The following TYW1 variants were observed in gnomAD, a reference collection of about 807,000 sequenced individuals.
TYW1 encodes the protein tRNA-yW synthesizing protein 1 homolog.
TYW1 carries 46 observed loss-of-function variants against 96.2 expected under a neutral mutation model. That is an observed-to-expected ratio of 0.48 (90% CI 0.38 to 0.61). The LOEUF (loss-of-function observed/expected upper bound fraction) is 0.61, where lower values mean the gene tolerates loss of function less well. TYW1 is among the 20% of genes least tolerant of loss of function. The probability of loss-of-function intolerance (pLI) is 0.00; values close to 1 mark genes in which losing one functional copy is unlikely to be tolerated. For missense variants in TYW1, 684 were observed against 909.6 expected (o/e 0.75, Z 3.19); for synonymous variants, 274 against 323.0 (o/e 0.85, Z 1.63).
chr7:67,043,476 A>G (rs1412026696), intron 7 of TYW1, among the ~76,000 whole-genome samples: 1 of 152,076 alleles, frequency 6.6e-6, no homozygotes, highest in Non-Finnish European at 1.5e-5. Flanking sequence ...ATAAATGGCA[A>G]ATGCTTGACA....
intron 12 of TYW1, among the ~76,000 whole-genome samples, chr7:67,107,301 G>T (rs960453524): frequency 6.6e-6 from 1 of 152,114 alleles, no homozygotes; most frequent in Non-Finnish European, 1.5e-5. Context: ...AAGTAAATAC[G>T]GCCTGATACT....
chr7:67,061,031 T>A (rs1795678716), intron 9 of TYW1, among the ~76,000 whole-genome samples: 1 of 152,104 alleles, frequency 6.6e-6, no homozygotes. Context: ...AGTTCAAGAC[T>A]AGCCTGGCCA....
In TYW1 at chr7:67,135,582, C is replaced by T. The variant is rs536994296; in HGVS notation, c.1698+17964C>T. On this transcript the variant is annotated intron_variant, in intron 13 of 15. Transcript: ENST00000359626. ...CCTCCCAAAGTGCTGAGATTATAGG[C>T]GTGAGCTACCACGTCCAGCCAACAG... is the stretch of plus-strand genomic sequence containing the variant. Among the ~76,000 whole-genome samples the T allele has an allele frequency of 6.7e-5, 10 of 150,360 alleles. No homozygotes were observed. The South Asian group carries it at 8.4e-4, about 13-fold the overall frequency.
At chr7:67,162,484 T>C (rs1245147545) in intron 13 of TYW1, among the ~76,000 whole-genome samples, 1 of 152,210 alleles carries the variant, frequency 6.6e-6, no homozygotes, top group Non-Finnish European at 1.5e-5. Flanking sequence ...CTAAGGCATA[T>C]TGATTTTAGA....
At position 67,172,430 on chromosome 7, in the gene TYW1, C is replaced by CCTTTTTTTTTTT. The variant is rs777213368; in HGVS notation, c.1699-10696_1699-10695insCTTTTTTTTTTT. On this transcript the variant is annotated intron_variant, in intron 13 of 15. Transcript: ENST00000359626. ...TTGAACCCCACATGACCTTACCATT[C>CCTTTTTTTTTTT]TTTTTTTTGAGATGGAGTCTCACTC... Among the ~76,000 whole-genome samples, 188 of 143,882 alleles carry CCTTTTTTTTTTT rather than the reference C, an allele frequency of 1.3e-3. 7 individuals are homozygous for CCTTTTTTTTTTT. Among genetic ancestry groups the CCTTTTTTTTTTT allele is most frequent in the Middle Eastern group, 3.6e-3 (1 of 278 alleles). The allele number at this position is 143,882 out of a possible 152,430, so 94.4% of individuals were successfully genotyped here. A position where few individuals can be genotyped will look rare whatever the true frequency, so the allele number is the denominator to read the frequency against.
chr7:67,091,136 T>G (rs1796702741), intron 11 of TYW1, among the ~76,000 whole-genome samples: 1 of 152,128 alleles, frequency 6.6e-6, no homozygotes, highest in Non-Finnish European at 1.5e-5. Flanking sequence ...GCAGCACTAT[T>G]CACAATAGCA....
chr7:67,019,319 C>CA (rs1484928269), intron 6 of TYW1, among the ~76,000 whole-genome samples: 1 of 56,128 alleles, frequency 1.8e-5, no homozygotes, highest in East Asian at 3.0e-4. Flanking sequence ...CCTCAGCCTC[C>CA]TGAGTAGCTG....
At chr7:67,136,581 A>G (rs2116087168) in intron 13 of TYW1, among the ~76,000 whole-genome samples, 1 of 151,698 alleles carries the variant, frequency 6.6e-6, no homozygotes, top group Non-Finnish European at 1.5e-5. Context: ...ACTGTGGAGT[A>G]GTGTTTGTAA....
chr7:67,072,211 A>T (rs1354396745), intron 10 of TYW1, among the ~76,000 whole-genome samples: 1 of 146,208 alleles, frequency 6.8e-6, no homozygotes, highest in Non-Finnish European at 1.5e-5. Flanking sequence ...CAAGTTGTTC[A>T]TGTACCTACT....
At chr7:67,008,300 G>A (rs1353522847) in intron 3 of TYW1, among the ~76,000 whole-genome samples, 3 of 152,142 alleles carry the variant, frequency 2.0e-5, no homozygotes, top group East Asian at 3.9e-4. Flanking sequence ...TTTCTTGGAG[G>A]CTCCATTACA....
intron 13 of TYW1, among the ~76,000 whole-genome samples, chr7:67,129,736 TCA>T (rs1421463891): frequency 6.6e-6 from 1 of 152,254 alleles, no homozygotes; most frequent in African/African-American, 2.4e-5. Context: ...AGTATAAGTC[TCA>T]CAGCTTTTTT....
At chr7:67,081,663 C>T (rs1182437034) in intron 10 of TYW1, among the ~76,000 whole-genome samples, 1 of 151,664 alleles carries the variant, frequency 6.6e-6, no homozygotes, top group Non-Finnish European at 1.5e-5. Context: ...TGCTCCTCCT[C>T]CTGCTGTTCC....
At chr7:67,021,305 C>T (rs1433839589) in intron 6 of TYW1, among the ~76,000 whole-genome samples, 5 of 152,406 alleles carry the variant, frequency 3.3e-5, no homozygotes, top group East Asian at 1.9e-4. Flanking sequence ...CTTTGCAGTC[C>T]GGCCCACATC....
At chr7:67,013,247 C>G (rs759283110) in intron 4 of TYW1, among the ~76,000 whole-genome samples, 3 of 151,832 alleles carry the variant, frequency 2.0e-5, no homozygotes, top group African/African-American at 7.3e-5. Context: ...CTCAGCCTCC[C>G]GAGTAGCTGG....
At chr7:67,026,162 T>C (rs1794446543) in intron 7 of TYW1, among the ~76,000 whole-genome samples, 1 of 152,156 alleles carries the variant, frequency 6.6e-6, no homozygotes, top group South Asian at 2.1e-4. Context: ...AACCTCTGCC[T>C]CCTGGTTTCA....
chr7:67,102,292 G>T (rs1021322183), intron 12 of TYW1, among the ~76,000 whole-genome samples: 1 of 152,086 alleles, frequency 6.6e-6, no homozygotes, highest in Non-Finnish European at 1.5e-5. Context: ...ACAAAATGCC[G>T]GCCACATTTG....
At chr7:67,062,960 A>G (rs563780730) in intron 9 of TYW1, among the ~76,000 whole-genome samples, 1 of 152,346 alleles carries the variant, frequency 6.6e-6, no homozygotes, top group East Asian at 1.9e-4. Flanking sequence ...TGAGGCCAAT[A>G]GTAACCCGAT....
intron 13 of TYW1, among the ~76,000 whole-genome samples, chr7:67,153,971 A>G (rs1468052514): frequency 2.2e-5 from 3 of 133,660 alleles, no homozygotes; most frequent in Non-Finnish European, 4.6e-5. Context: ...TCTGTCACCC[A>G]GGCTGGAGCG....
chr7:67,138,627 C>T (rs1358561047), intron 13 of TYW1, among the ~76,000 whole-genome samples: 1 of 152,046 alleles, frequency 6.6e-6, no homozygotes, highest in Non-Finnish European at 1.5e-5. Flanking sequence ...CCAACACCCC[C>T]ACTACCCTTC....
Sources: gnomAD v4.1 joint callset for allele counts (sites outside exome capture counted in the v4.1 genomes callset) on GRCh38, gnomAD v4.1.1 for gene constraint, MANE v1.5 for transcripts, NCBI Gene and HGNC (gene_info 2026-07-23, HGNC 2026-07-21) for gene names.